Variants in FSIP2 observed in about 807,000 individuals in gnomAD.
The protein encoded by FSIP2 is fibrous sheath-interacting protein 2.
Under a neutral mutation model 510.5 loss-of-function variants are expected in FSIP2, and 367 were observed. The ratio of observed to expected loss-of-function variants is 0.72; its 90% CI spans 0.66 to 0.78. FSIP2 has a LOEUF of 0.78. Among genes scored for constraint, FSIP2 ranks in the 30% least tolerant of loss-of-function variants. The pLI is 0.00. For missense variants in FSIP2, 7,594 were observed against 7,901.7 expected (o/e 0.96, Z 1.48); for synonymous variants, 2,601 against 2,732.2 (o/e 0.95, Z 1.50).
rs1693515408 is a variant in FSIP2 at position 185,804,542 on chromosome 2, A to G, written c.15236A>G (p.Glu5079Gly). ...QVQSLVSGELESSSYSYPQAD... is the reference protein window; with the variant it reads ...QVQSLVSGELGSSSYSYPQAD... The stretch of plus-strand genomic sequence containing the variant: ...CAGTCATTAGTTTCAGGAGAATTAG[A>G]GTCTTCTTCTTATTCGTATCCCCAA... Residue 5079 changes from glutamate to glycine, a missense_variant, in exon 17 of 23, where the codon GAG (glutamate) becomes GGG (glycine). Physicochemically the swap from Glu to Gly is moderately conservative, Grantham distance 98 (BLOSUM62 -2). Transcript: ENST00000424728. 2.6e-6 allele frequency: 4 copies of G among 1,523,720 alleles called. No homozygotes were observed. The highest frequency in any genetic ancestry group is 2.6e-6 in the Non-Finnish European group (3 of 1,141,380). 94.4% of individuals were successfully genotyped at this position (1,523,720 alleles called of 1,614,324 possible). A position where few individuals can be genotyped will look rare whatever the true frequency, so the allele number is the denominator to read the frequency against.
intron 19 of FSIP2, among the ~76,000 whole-genome samples, chr2:185,823,619 G>A (rs1383427232): frequency 1.3e-5 from 2 of 151,688 alleles, no homozygotes; most frequent in Non-Finnish European, 2.9e-5. Flanking sequence ...GTCAAGAATT[G>A]AAACCCTTGT....
chr2:185,744,369 C>T lies in FSIP2; in HGVS notation c.435C>T (p.Thr145=). ...RELNKYRQYL[T]SLKLDFERNY... is the part of the protein sequence containing the mutation. ...TGAATAAGTACAGGCAATATCTTAC[C>T]AGTTTAAAATTAGACTTTGAGAGAA... Residue 145 remains threonine (T), a synonymous_variant, in exon 4 of 23, where the codon ACC becomes ACT. Coordinates refer to ENST00000424728, the MANE Select transcript of FSIP2 (RefSeq NM_173651.4). The T allele has an allele frequency of 7.9e-7, 1 of 1,262,290 alleles. No homozygotes were observed. Among genetic ancestry groups the T allele is most frequent in the Non-Finnish European group, 1.0e-6 (1 of 962,740 alleles). 78.2% of individuals were successfully genotyped at this position (1,262,290 alleles called of 1,614,324 possible).
rs1283889044 is a variant in FSIP2, at chr2:185,793,876, A to C, written c.6740A>C (p.Glu2247Ala). 6.5e-7 allele frequency: 1 copy of C among 1,531,302 alleles called. No homozygotes were observed. The highest frequency in any genetic ancestry group is 1.4e-5 in the African/African-American group (1 of 72,774). 94.9% of individuals were successfully genotyped at this position (1,531,302 alleles called of 1,614,324 possible). Residue 2247 changes from glutamate (E) to alanine (A), a missense_variant, in exon 16 of 23, where the codon GAG becomes GCG. By Grantham distance (107) the Glu-to-Ala change is moderately radical. Coordinates refer to ENST00000424728, the MANE Select transcript of FSIP2 (RefSeq NM_173651.4). ...CAGAAATCTGCTACTGACTCATGTG[A>C]GGAAAATGCTAACTTCATTACTAAA... The part of the protein sequence containing the change: ...DTQKSATDSC[E>A]ENANFITKTI...
At chr2:185,823,702 A>G (rs1219849154) in intron 19 of FSIP2, among the ~76,000 whole-genome samples, 2 of 151,774 alleles carry the variant, frequency 1.3e-5, no homozygotes, top group Non-Finnish European at 2.9e-5. Context: ...AAAATTAAAC[A>G]TAGACTTACC....
chr2:185,788,540 C>T, intron 15 of FSIP2, 103 bp from the exon 16 acceptor site: 4 of 685,866 alleles, frequency 5.8e-6, no homozygotes, highest in Non-Finnish European at 4.6e-6. Context: ...AATGGTATTC[C>T]ACCAATACAT....
In FSIP2 at chr2:185,802,848, G is replaced by A; in HGVS notation, c.13542G>A (p.Arg4514=). The A allele has an allele frequency of 6.6e-7, 1 of 1,509,654 alleles. No individual in the cohort carries two copies. Among genetic ancestry groups the A allele is most frequent in the Non-Finnish European group, 8.8e-7 (1 of 1,137,280 alleles). 93.5% of individuals were successfully genotyped at this position (1,509,654 alleles called of 1,614,324 possible). Reference sequence around the variant, plus strand: ...CTTCAAACCTAGTTAGTGATATTAGGATGAAAGTTTCCCAACATGAAATTC... The same window carrying A: ...CTTCAAACCTAGTTAGTGATATTAGAATGAAAGTTTCCCAACATGAAATTC... ...DIASNLVSDI[R]MKVSQHEIRF... Residue 4514 remains arginine (R), a synonymous_variant, in exon 17 of 23, where the codon AGG becomes AGA. Transcript: ENST00000424728.
rs767371160 is a variant in FSIP2 at position 185,792,838 on chromosome 2, T to C, written c.5702T>C (p.Phe1901Ser). 6 of 1,534,458 alleles carry C rather than the reference T, an allele frequency of 3.9e-6. No individual in the cohort carries two copies. Among genetic ancestry groups the C allele is most frequent in the Non-Finnish European group, 5.2e-6 (6 of 1,145,772 alleles). Residue 1901 changes from phenylalanine to serine, a missense_variant, in exon 16 of 23, where the codon TTT becomes TCT. Physicochemically the swap from Phe to Ser is radical, Grantham distance 155. Coordinates refer to ENST00000424728, the MANE Select transcript of FSIP2 (RefSeq NM_173651.4). ...GCTTTGGATGAAAATCCATGTACTT[T>C]TCAGTCTAGATTCAGCGTTGCTGAC... ...VTALDENPCT[F>S]QSRFSVADKE...
rs1415879730 is a variant in FSIP2, at chr2:185,792,991, T to C, written c.5855T>C (p.Leu1952Ser). 1.3e-6 allele frequency: 2 copies of C among 1,534,374 alleles called. No individual in the cohort carries two copies. The highest frequency in any genetic ancestry group is 1.7e-6 in the Non-Finnish European group (2 of 1,145,714). ...GTCAACTTTACAGTTCCAGTGGCTT[T>C]ACCTATTCAGCAAGATCACAGTACA... ...SQVNFTVPVA[L>S]PIQQDHSTLS... Residue 1952 changes from leucine to serine, a missense_variant, in exon 16 of 23, where the codon TTA becomes TCA. By Grantham distance (145) the Leu-to-Ser change is moderately radical. Transcript: ENST00000424728.
chr2:185,810,709 G>A (rs777286810), intron 17 of FSIP2, among the ~76,000 whole-genome samples: 7 of 150,602 alleles, frequency 4.6e-5, no homozygotes, highest in African/African-American at 7.3e-5. Context: ...TCCACACAGA[G>A]GCTGAAGACA....
Position 185,806,807 on chromosome 2 carries a change from C to T in FSIP2, c.17501C>T (p.Ser5834Leu). The change falls in exon 17 of 23, where the codon TCA becomes TTA. Residue 5834 changes from serine (S) to leucine (L), a missense_variant. Physicochemically the swap from Ser to Leu is moderately radical, Grantham distance 145. Coordinates refer to ENST00000424728, the MANE Select transcript of FSIP2 (RefSeq NM_173651.4). ...LYDTAMKLINSLLKEFSDAQI... is the reference protein window; with the variant it reads ...LYDTAMKLINLLLKEFSDAQI... The stretch of plus-strand genomic sequence containing the variant: ...GACACTGCTATGAAACTCATCAATT[C>T]ACTGTTAAAGGAGTTCTCAGATGCT... The T allele has an allele frequency of 1.2e-6, 2 of 1,611,568 alleles. No homozygotes were observed. Among genetic ancestry groups the T allele is most frequent in the Non-Finnish European group, 1.7e-6 (2 of 1,178,584 alleles).
intron 8 of FSIP2, among the ~76,000 whole-genome samples, chr2:185,755,686 T>TA (rs1255227910): frequency 6.6e-6 from 1 of 151,558 alleles, no homozygotes; most frequent in Admixed American, 6.6e-5. Flanking sequence ...AGATCACTCT[T>TA]ATAGTTTACA....
Position 185,795,626 on chromosome 2 carries a change from T to A in FSIP2, c.8490T>A (p.Ile2830=), listed in dbSNP as rs1693250227. The A allele has an allele frequency of 2.0e-6, 3 of 1,534,778 alleles. No homozygotes were observed. Among genetic ancestry groups the A allele is most frequent in the African/African-American group, 2.7e-5 (2 of 72,892 alleles). Residue 2830 remains isoleucine, a synonymous_variant, in exon 16 of 23, where the codon ATT becomes ATA. Coordinates refer to ENST00000424728, the MANE Select transcript of FSIP2 (RefSeq NM_173651.4). ...LENVSSQLEH[I]FPREGIFKKL... ...ATGTTTCTTCACAGCTAGAGCACAT[T>A]TTTCCTAGAGAAGGTATATTTAAAA... is the stretch of plus-strand genomic sequence containing the variant.
chr2:185,803,901 T>C lies in FSIP2; in HGVS notation c.14595T>C (p.Asp4865=). Residue 4865 remains aspartate (D), a synonymous_variant, in exon 17 of 23, where the codon GAT becomes GAC. Coordinates refer to ENST00000424728, the MANE Select transcript of FSIP2 (RefSeq NM_173651.4). ...CAAAAGATATCCAGTCTATGGTTGA[T>C]TCCATTTATGCTGATCTTTCTCATT... The part of the protein sequence containing the change: ...ISAKDIQSMV[D]SIYADLSHSN... 1 of 1,526,474 alleles carries C rather than the reference T, an allele frequency of 6.6e-7. No homozygotes were observed. The highest frequency in any genetic ancestry group is 8.8e-7 in the Non-Finnish European group (1 of 1,140,274). 94.6% of individuals were successfully genotyped at this position (1,526,474 alleles called of 1,614,324 possible).
At chr2:185,779,900 A>G (rs1692805665) in intron 13 of FSIP2, among the ~76,000 whole-genome samples, 1 of 151,072 alleles carries the variant, frequency 6.6e-6, no homozygotes, top group African/African-American at 2.4e-5. Context: ...CATTATGTCC[A>G]AGGGTATGAG....
chr2:185,785,184 C>T (rs1030981349), intron 14 of FSIP2, among the ~76,000 whole-genome samples: 3 of 152,046 alleles, frequency 2.0e-5, no homozygotes, highest in African/African-American at 7.2e-5. Context: ...CCTGTGGAAA[C>T]TTGAGTTGAC....
chr2:185,801,782 T>C lies in FSIP2; in HGVS notation c.12476T>C (p.Ile4159Thr), dbSNP rs776987402. The C allele has an allele frequency of 2.8e-5, 42 of 1,504,660 alleles. No homozygotes were observed. The highest frequency in any genetic ancestry group is 3.4e-5 in the Non-Finnish European group (38 of 1,131,636). 93.2% of individuals were successfully genotyped at this position (1,504,660 alleles called of 1,614,324 possible). A position where few individuals can be genotyped will look rare whatever the true frequency, so the allele number is the denominator to read the frequency against. The change falls in exon 17 of 23, where the codon ATT (isoleucine) becomes ACT (threonine). Residue 4159 changes from isoleucine (I) to threonine (T), a missense_variant. Ile to Thr is a moderately conservative substitution (Grantham distance 89). Transcript: ENST00000424728. The part of the protein sequence containing the change: ...RLLSQLIPPP[I>T]TCSSLGKKYL... ...TTATCTCAGCTAATTCCTCCACCCA[T>C]TACATGTTCCTCTTTAGGAAAAAAA...
intron 7 of FSIP2, among the ~76,000 whole-genome samples, chr2:185,751,188 ATC>A (rs1692139553): frequency 6.6e-6 from 1 of 151,302 alleles, no homozygotes; most frequent in African/African-American, 2.4e-5. Context: ...AGTTATTAAA[ATC>A]TCTGACTATA....
At chr2:185,750,591 A>T (rs1574154686) in intron 7 of FSIP2, among the ~76,000 whole-genome samples, 1 of 110,126 alleles carries the variant, frequency 9.1e-6, no homozygotes, top group Non-Finnish European at 1.9e-5. Context: ...TTTAGTTTTA[A>T]TGCATTTCTC....
Position 185,791,393 on chromosome 2 carries a change from T to C in FSIP2, c.4257T>C (p.Asn1419=), listed in dbSNP as rs1693121568. 6.5e-7 allele frequency: 1 copy of C among 1,534,140 alleles called. No individual in the cohort carries two copies. The highest frequency in any genetic ancestry group is 8.7e-7 in the Non-Finnish European group (1 of 1,145,598). ...LATPCTHHSV[N]GGNHIKENAK... is the part of the protein sequence containing the mutation. Reference sequence around the variant, plus strand: ...CTCCTTGTACTCACCACAGTGTCAATGGTGGAAACCATATTAAAGAGAATG... The same window carrying C: ...CTCCTTGTACTCACCACAGTGTCAACGGTGGAAACCATATTAAAGAGAATG... The change falls in exon 16 of 23, where the codon AAT becomes AAC. Residue 1419 remains asparagine, a synonymous_variant. Transcript: ENST00000424728.
Sources: allele counts gnomAD v4.1 joint callset (sites outside exome capture counted in the v4.1 genomes callset), GRCh38; gene constraint gnomAD v4.1.1; transcripts MANE v1.5; gene names NCBI Gene and HGNC (gene_info 2026-07-23, HGNC 2026-07-21).